CENPP: variants seen among roughly 807,000 people sequenced by gnomAD.
CENPP encodes centromere protein P.
Under a neutral mutation model 35.6 loss-of-function variants are expected in CENPP, and 24 were observed. That is an observed-to-expected ratio of 0.67 (90% CI 0.49 to 0.95). The LOEUF (loss-of-function observed/expected upper bound fraction) is 0.95, where lower values mean the gene tolerates loss of function less well. CENPP is among the 40% of genes least tolerant of loss of function. The probability of loss-of-function intolerance (pLI) is 0.00; values close to 1 mark genes in which losing one functional copy is unlikely to be tolerated. For synonymous variants in CENPP, 120 were observed against 125.5 expected (o/e 0.96, Z 0.29); for missense variants, 332 against 345.3 (o/e 0.96, Z 0.31).
chr9:92,332,818 A>C (rs1034812945), intron 2 of CENPP, among the ~76,000 whole-genome samples: 12 of 152,026 alleles, frequency 7.9e-5, no homozygotes, highest in African/African-American at 2.4e-4. Context: ...AAACAAAAAA[A>C]AAAAGGGCTG....
intron 5 of CENPP, among the ~76,000 whole-genome samples, chr9:92,448,010 A>G (rs1297258521): frequency 6.6e-6 from 1 of 152,186 alleles, no homozygotes; most frequent in Non-Finnish European, 1.5e-5. Context: ...AATGATTACA[A>G]TGGATGAAAT....
At chr9:92,489,895 A>C (rs1321763254) in intron 5 of CENPP, among the ~76,000 whole-genome samples, 1 of 152,198 alleles carries the variant, frequency 6.6e-6, no homozygotes, top group African/African-American at 2.4e-5. Flanking sequence ...CAAGGGGTTT[A>C]CTTCTGGCCC....
At chr9:92,427,316 C>T (rs1333097495) in intron 5 of CENPP, among the ~76,000 whole-genome samples, 1 of 152,120 alleles carries the variant, frequency 6.6e-6, no homozygotes, top group African/African-American at 2.4e-5. Flanking sequence ...GTGTGCACCA[C>T]CACACCCAGC....
intron 3 of CENPP, among the ~76,000 whole-genome samples, chr9:92,338,442 A>G (rs1841001192): frequency 6.6e-6 from 1 of 152,166 alleles, no homozygotes; most frequent in Non-Finnish European, 1.5e-5. Flanking sequence ...GTGTTTACCT[A>G]TAATGTACAC....
chr9:92,474,838 G>A (rs1298850749), intron 5 of CENPP: 2 of 1,613,926 alleles, frequency 1.2e-6, no homozygotes, highest in African/African-American at 2.7e-5. Flanking sequence ...TGTGTGAAGG[G>A]CTAAAGAAGG....
chr9:92,457,744 C>T (rs945234491), intron 5 of CENPP, among the ~76,000 whole-genome samples: 1 of 139,796 alleles, frequency 7.2e-6, no homozygotes, highest in Non-Finnish European at 1.5e-5. Context: ...TCACATGGGT[C>T]GCTGTCTCTC....
intron 5 of CENPP, among the ~76,000 whole-genome samples, chr9:92,432,629 A>G (rs1053868555): frequency 2.6e-5 from 4 of 152,242 alleles, no homozygotes; most frequent in Admixed American, 6.5e-5. Context: ...GAGAGCACTC[A>G]TAGGCACGGG....
intron 5 of CENPP, among the ~76,000 whole-genome samples, chr9:92,527,240 A>G (rs895373797): frequency 6.6e-6 from 1 of 152,122 alleles, no homozygotes; most frequent in Non-Finnish European, 1.5e-5. Flanking sequence ...CAAACTCCTG[A>G]GCTCAAGTGA....
At chr9:92,485,123 G>A (rs919848799) in intron 5 of CENPP, among the ~76,000 whole-genome samples, 1 of 152,272 alleles carries the variant, frequency 6.6e-6, no homozygotes, top group South Asian at 2.1e-4. Context: ...AGGCACGAAC[G>A]TGCCATCTGG....
intron 5 of CENPP, among the ~76,000 whole-genome samples, chr9:92,513,688 A>G (rs937432823): frequency 1.4e-4 from 21 of 152,336 alleles, no homozygotes; most frequent in African/African-American, 4.8e-4. Context: ...AGGGCTATGT[A>G]TTGTATGATT....
chr9:92,485,806 C>T (rs145975804), intron 5 of CENPP, among the ~76,000 whole-genome samples: 5 of 152,314 alleles, frequency 3.3e-5, no homozygotes, highest in Non-Finnish European at 5.9e-5. Flanking sequence ...GCTGAGATTA[C>T]AGGTGGGAAC....
chr9:92,468,725 A>T (rs960625537), intron 5 of CENPP, among the ~76,000 whole-genome samples: 5 of 152,222 alleles, frequency 3.3e-5, no homozygotes, highest in African/African-American at 7.2e-5. Flanking sequence ...TTAAAAAGTG[A>T]TTTACATCAG....
At chr9:92,453,430 T>C (rs1177686576) in intron 5 of CENPP, among the ~76,000 whole-genome samples, 1 of 152,236 alleles carries the variant, frequency 6.6e-6, no homozygotes, top group Non-Finnish European at 1.5e-5. Context: ...TTCTTAATAC[T>C]GAGTTCTAAT....
At chr9:92,582,135 C>A (rs1384654370) in intron 5 of CENPP, among the ~76,000 whole-genome samples, 1 of 152,092 alleles carries the variant, frequency 6.6e-6, no homozygotes, top group Admixed American at 6.6e-5. Context: ...CTCACTGAAG[C>A]CTCAACCTCC....
chr9:92,393,462 A>G (rs532510157), intron 5 of CENPP, among the ~76,000 whole-genome samples: 21 of 152,146 alleles, frequency 1.4e-4, no homozygotes, highest in Non-Finnish European at 2.5e-4. Context: ...TTTACTGGTG[A>G]TTGCTTAAAT....
chr9:92,474,509 GA>G (rs139705272), intron 5 of CENPP: 15 of 1,421,686 alleles, frequency 1.1e-5, no homozygotes, highest in African/African-American at 3.0e-5. Flanking sequence ...AAACTTAAAT[GA>G]AAAAAACTTA....
intron 4 of CENPP, among the ~76,000 whole-genome samples, chr9:92,368,744 T>C (rs1224339145): frequency 6.6e-6 from 1 of 152,056 alleles, no homozygotes. Context: ...TATTTAAAAG[T>C]TAAGAATAAA....
chr9:92,455,132 C>T (rs1428360030), intron 5 of CENPP, among the ~76,000 whole-genome samples: 1 of 152,180 alleles, frequency 6.6e-6, no homozygotes, highest in Non-Finnish European at 1.5e-5. Context: ...TGCAGTGGCT[C>T]ATGCCTGTAA....
At chr9:92,602,402 G>A (rs1363567392) in intron 5 of CENPP, among the ~76,000 whole-genome samples, 1 of 152,184 alleles carries the variant, frequency 6.6e-6, no homozygotes, top group African/African-American at 2.4e-5. Context: ...GTGGTCTCAG[G>A]ACATCCCATG....
Sources: allele counts gnomAD v4.1 joint callset (sites outside exome capture counted in the v4.1 genomes callset), GRCh38; gene constraint gnomAD v4.1.1; transcripts MANE v1.5; gene names NCBI Gene and HGNC (gene_info 2026-07-23, HGNC 2026-07-21).